ALOXE3: variants seen among roughly 807,000 people sequenced by gnomAD.
ALOXE3 encodes the protein hydroperoxide isomerase ALOXE3.
ALOXE3 carries 78 observed loss-of-function variants against 87.5 expected under a neutral mutation model. The ratio of observed to expected loss-of-function variants is 0.89; its 90% CI spans 0.74 to 1.08. The LOEUF (loss-of-function observed/expected upper bound fraction) is 1.08. Ranked by LOEUF, ALOXE3 falls within the 50% of genes least tolerant of loss-of-function variation. The probability of loss-of-function intolerance (pLI) is 0.00; values close to 1 mark genes in which losing one functional copy is unlikely to be tolerated. For missense variants in ALOXE3, 946 were observed against 912.4 expected (o/e 1.04, Z -0.47); for synonymous variants, 363 against 370.8 (o/e 0.98, Z 0.24).
At chr17:8,117,096 C>T in intron 2 of ALOXE3, 116 bp from the exon 3 acceptor site, 2 of 956,982 alleles carry the variant, frequency 2.1e-6, no homozygotes, top group Non-Finnish European at 3.2e-6. Context: ...CTGAGCTGCT[C>T]CCAGCCCATA....
rs762850822 is a variant in ALOXE3 at position 8,111,367 on chromosome 17, C to T, written c.949G>A (p.Glu317Lys). 2.5e-6 allele frequency: 4 copies of T among 1,613,124 alleles called. No homozygotes were observed. Among genetic ancestry groups the T allele is most frequent in the Non-Finnish European group, 3.4e-6 (4 of 1,180,042 alleles). ...CCCAGATCCTTACCCACCTCTAGCT[C>T]TGTCTGCAGGCATGTGTCCTGTCCC... ...LLGQDTCLQTELERGNIFLAD... is the reference protein window; with the variant it reads ...LLGQDTCLQTKLERGNIFLAD... Residue 317 changes from glutamate (E) to lysine (K), a missense_variant, in exon 8 of 16, where the codon GAG becomes AAG. By Grantham distance (56) the Glu-to-Lys change is moderately conservative. Coordinates refer to ENST00000448843, the MANE Select transcript of ALOXE3 (RefSeq NM_021628.3).
chr17:8,118,330 G>A lies in ALOXE3; in HGVS notation c.-313-27C>T, dbSNP rs1980802217. On this transcript the variant is annotated intron_variant, in intron 1 of 15. Transcript: ENST00000448843. ...TGCGGAGGGAGGGATCAGATGCTGA[G>A]ATGGAGAAAAGGAGGTAACGCCTGT... The A allele has an allele frequency of 2.6e-6, 4 of 1,551,848 alleles. No homozygotes were observed. The South Asian group carries it at 4.8e-5, about 18-fold the overall frequency.
intron 13 of ALOXE3, among the ~76,000 whole-genome samples, chr17:8,104,704 A>G (rs1169214580): frequency 6.6e-6 from 1 of 152,200 alleles, no homozygotes; most frequent in Non-Finnish European, 1.5e-5. Context: ...CTCTTTGAGG[A>G]GAGGGCAAGC....
In ALOXE3 at chr17:8,110,079, C is replaced by G. The variant is rs906448267; in HGVS notation, c.1305+13G>C. ...GCCCCTGCCCCGCTGGGCCCCCACC[C>G]GGGGTCGCGGACCTTGTAGATGGGG... On this transcript the variant is annotated intron_variant, in intron 10 of 15. Coordinates refer to ENST00000448843, the MANE Select transcript of ALOXE3 (RefSeq NM_021628.3). 6.2e-7 allele frequency: 1 copy of G among 1,605,932 alleles called. No individual in the cohort carries two copies. Among genetic ancestry groups the G allele is most frequent in the African/African-American group, 1.3e-5 (1 of 74,416 alleles).
In ALOXE3 at chr17:8,098,155, C is replaced by A. The variant is rs1198562608; in HGVS notation, c.1957-1349G>T. On this transcript the variant is annotated intron_variant, in intron 15 of 15. Transcript: ENST00000448843. ...AATAGTGGGCATTGGGCATTATTTT[C>A]TTATCTCTGACTTTAATGAATAGAC... 2.0e-5 allele frequency among the ~76,000 whole-genome samples: 3 copies of A among 149,964 alleles called. No homozygotes were observed. The East Asian group carries it at 5.9e-4, about 30-fold the overall frequency.
rs147383866 is a variant in ALOXE3, at chr17:8,114,978, C to A, written c.514G>T (p.Ala172Ser). 1 of 1,614,012 alleles carries A rather than the reference C, an allele frequency of 6.2e-7. No homozygotes were observed. The highest frequency in any genetic ancestry group is 1.3e-5 in the African/African-American group (1 of 74,894). Residue 172 changes from alanine (A) to serine (S), a missense_variant, in exon 5 of 16, where the codon GCC becomes TCC. Ala to Ser is a moderately conservative substitution (Grantham distance 99). Coordinates refer to ENST00000448843, the MANE Select transcript of ALOXE3 (RefSeq NM_021628.3). ...FQEMESDKKF[A>S]LTKTTTCVDQ... ...ACACAAGTTGTCGTCTTTGTCAAGG[C>A]AAATTTCTTGTCTGACTCCATCTCC... is the stretch of plus-strand genomic sequence containing the variant.
At chr17:8,118,701 T>C (rs571168095), upstream of ALOXE3, 38 of 1,537,212 alleles carry the variant, frequency 2.5e-5, no homozygotes, top group African/African-American at 5.1e-4. Context: ...CCGACCTCAT[T>C]CTCTGCTCTG....
chr17:8,115,676 C>T lies in ALOXE3; in HGVS notation c.365G>A (p.Cys122Tyr), dbSNP rs142479006. The change falls in exon 4 of 16, where the codon TGT becomes TAT. Residue 122 changes from cysteine to tyrosine, a missense_variant. Physicochemically the swap from Cys to Tyr is radical, Grantham distance 194. Transcript: ENST00000448843. ...ELRPGTARTI[C>Y]QDSLPLLLDH... ...CAGGAGGAGGGGAAGAGAGTCCTGACAAATAGTTCTTGCTGTGGGGAATGA... is the reference window on the plus strand; with the variant it reads ...CAGGAGGAGGGGAAGAGAGTCCTGATAAATAGTTCTTGCTGTGGGGAATGA... The T allele has an allele frequency of 6.2e-7, 1 of 1,613,522 alleles. No individual in the cohort carries two copies. The highest frequency in any genetic ancestry group is 8.5e-7 in the Non-Finnish European group (1 of 1,179,532).
Position 8,098,476 on chromosome 17 carries a change from G to A in ALOXE3, c.1957-1670C>T, listed in dbSNP as rs916309057. ...GCTGGTCTTGAACTCCAAACCTCAG[G>A]TGATCCACCTGCCTCAGCCTCCCAA... On this transcript the variant is annotated intron_variant, in intron 15 of 15. Coordinates refer to ENST00000448843, the MANE Select transcript of ALOXE3 (RefSeq NM_021628.3). Among the ~76,000 whole-genome samples the A allele has an allele frequency of 5.3e-5, 8 of 151,904 alleles. No homozygotes were observed. The South Asian group carries it at 1.7e-3, about 32-fold the overall frequency.
At chr17:8,103,593 T>C in intron 14 of ALOXE3, 100 bp from the exon 15 acceptor site, 1 of 1,320,982 alleles carries the variant, frequency 7.6e-7, no homozygotes, top group Admixed American at 1.9e-5. Flanking sequence ...CTAGAGGTGA[T>C]AGTTGGGAAA....
chr17:8,118,895 GC>G, upstream of ALOXE3: 2 of 1,473,978 alleles, frequency 1.4e-6, no homozygotes, highest in Non-Finnish European at 1.8e-6. Context: ...ATAGCCCGCA[GC>G]GGCCCCGCGC....
Position 8,116,911 on chromosome 17 carries a change from G to A in ALOXE3, c.217C>T (p.Arg73Cys). 6.2e-7 allele frequency: 1 copy of A among 1,614,240 alleles called. No homozygotes were observed. Among genetic ancestry groups the A allele is most frequent in the Non-Finnish European group, 8.5e-7 (1 of 1,180,038 alleles). ...GAGTCCTTGCGGAAGAAAGCGTAGC[G>A]CTCCTTGTGTACACGCAGCAGCAAG... is the stretch of plus-strand genomic sequence containing the variant. ...ELLLLRVHKERYAFFRKDSWY... is the reference protein window; with the variant it reads ...ELLLLRVHKECYAFFRKDSWY... Residue 73 changes from arginine (R) to cysteine (C), a missense_variant, in exon 3 of 16, where the codon CGC (arginine) becomes TGC (cysteine). Physicochemically the swap from Arg to Cys is radical, Grantham distance 180. Transcript: ENST00000448843.
rs1598220914 is a variant in ALOXE3 at position 8,117,790 on chromosome 17, G to A, written c.147+54C>T. 8.2e-6 allele frequency: 13 copies of A among 1,584,546 alleles called. No homozygotes were observed. In the East Asian group the frequency reaches 2.9e-4, roughly 36 times the overall value. Reference sequence around the variant, plus strand: ...AGAGTCCAGGAGGAATACTCCTCCCGCCTGCGGCCCCTGCCCCTCTGAGGT... The same window carrying A: ...AGAGTCCAGGAGGAATACTCCTCCCACCTGCGGCCCCTGCCCCTCTGAGGT... On this transcript the variant is annotated intron_variant, in intron 2 of 15. Coordinates refer to ENST00000448843, the MANE Select transcript of ALOXE3 (RefSeq NM_021628.3).
intron 8 of ALOXE3, 53 bp downstream of exon 8, chr17:8,111,306 G>A: frequency 6.2e-7 from 1 of 1,604,144 alleles, no homozygotes; most frequent in African/African-American, 1.3e-5. Context: ...TGTCCATAAT[G>A]GTGACACACC....
chr17:8,102,493 G>A (rs558606275), intron 15 of ALOXE3, among the ~76,000 whole-genome samples: 5 of 152,008 alleles, frequency 3.3e-5, no homozygotes, highest in African/African-American at 9.7e-5. Flanking sequence ...ACTCCATGTG[G>A]GGGGGTGGGG....
chr17:8,102,626 C>T (rs1220510352), intron 15 of ALOXE3, among the ~76,000 whole-genome samples: 3 of 152,188 alleles, frequency 2.0e-5, no homozygotes, highest in African/African-American at 7.2e-5. Context: ...TTCTCGCCTT[C>T]GCTCCTTGGT....
At chr17:8,097,564 A>C (rs1978624357) in intron 15 of ALOXE3, among the ~76,000 whole-genome samples, 1 of 152,160 alleles carries the variant, frequency 6.6e-6, no homozygotes, top group Non-Finnish European at 1.5e-5. Flanking sequence ...CAGCACAGCC[A>C]ATCACTATCG....
chr17:8,102,347 G>T (rs1417199865), intron 15 of ALOXE3, among the ~76,000 whole-genome samples: 1 of 152,146 alleles, frequency 6.6e-6, no homozygotes, highest in African/African-American at 2.4e-5. Context: ...ACAAAAATTA[G>T]CTGGGCACAG....
At position 8,102,295 on chromosome 17, in the gene ALOXE3, C is replaced by T. The variant is rs1419593043; in HGVS notation, c.1956+1028G>A. Among the ~76,000 whole-genome samples the T allele has an allele frequency of 2.6e-5, 4 of 152,308 alleles. No homozygotes were observed. The East Asian group carries it at 7.7e-4, about 29-fold the overall frequency. On this transcript the variant is annotated intron_variant, in intron 15 of 15. Transcript: ENST00000448843. ...GGATCACAAGGTCAGGAATTCGAGA[C>T]CAGCCTGGCCAACATGGTGAAACCC...
Sources: allele counts gnomAD v4.1 joint callset (sites outside exome capture counted in the v4.1 genomes callset), GRCh38; gene constraint gnomAD v4.1.1; transcripts MANE v1.5; gene names NCBI Gene and HGNC (gene_info 2026-07-23, HGNC 2026-07-21).